Variants in CDYL observed in about 807,000 individuals in gnomAD.
CDYL encodes chromodomain Y like.
Under a neutral mutation model 47.3 loss-of-function variants are expected in CDYL, and 8 were observed. That is an observed-to-expected ratio of 0.17 (90% confidence interval 0.10 to 0.31). The LOEUF is 0.31. CDYL is among the 10% of genes least tolerant of loss of function. The probability of loss-of-function intolerance (pLI) is 1.00; values close to 1 mark genes in which losing one functional copy is unlikely to be tolerated. For missense variants in CDYL, 471 were observed against 701.4 expected, an observed-to-expected ratio of 0.67 and a Z score of 3.71; for synonymous variants, 266 against 265.0, an observed-to-expected ratio of 1.00 and a Z score of -0.04.
At chr6:4,929,113 T>A (rs1757959685) in intron 2 of CDYL, among the ~76,000 whole-genome samples, 1 of 152,220 alleles carries the variant, frequency 6.6e-6, no homozygotes, top group African/African-American at 2.4e-5. Context: ...TAACATTCCT[T>A]ACAGTGCAGG....
At chr6:4,845,334 C>G (rs977259982) in intron 1 of CDYL, among the ~76,000 whole-genome samples, 1 of 152,120 alleles carries the variant, frequency 6.6e-6, no homozygotes, top group Admixed American at 6.5e-5. Context: ...TTTTGCGATG[C>G]CTGGATTGGT....
intron 1 of CDYL, among the ~76,000 whole-genome samples, chr6:4,829,246 T>C (rs1760066574): frequency 6.6e-6 from 1 of 152,170 alleles, no homozygotes; most frequent in South Asian, 2.1e-4. Context: ...TTTTTGTTGT[T>C]GTTGTTGAAG....
intron 1 of CDYL, among the ~76,000 whole-genome samples, chr6:4,847,071 A>T (rs1760681905): frequency 6.6e-6 from 1 of 152,206 alleles, no homozygotes; most frequent in African/African-American, 2.4e-5. Context: ...AGTTACAGTC[A>T]TGTCTATCTG....
intron 3 of CDYL, among the ~76,000 whole-genome samples, chr6:4,738,059 A>G (rs905372490): frequency 3.3e-5 from 5 of 152,236 alleles, no homozygotes; most frequent in African/African-American, 7.2e-5. Flanking sequence ...TGAGTAAATG[A>G]TACATGCAGT....
At chr6:4,917,275 T>C (rs1757584520) in intron 2 of CDYL, among the ~76,000 whole-genome samples, 1 of 152,216 alleles carries the variant, frequency 6.6e-6, no homozygotes, top group African/African-American at 2.4e-5. Context: ...TGTTTTTGTC[T>C]TAGAATCTTC....
intron 3 of CDYL, among the ~76,000 whole-genome samples, 183 bp from the exon 4 acceptor site, chr6:4,937,382 G>A (rs547155779): frequency 2.0e-5 from 3 of 152,262 alleles, no homozygotes; most frequent in Admixed American, 6.5e-5. Flanking sequence ...TGTAGTCCCA[G>A]CTACTTAGGA....
chr6:4,742,885 G>T (rs947432845), intron 3 of CDYL, among the ~76,000 whole-genome samples: 6 of 152,208 alleles, frequency 3.9e-5, no homozygotes, highest in Non-Finnish European at 5.9e-5. Context: ...TGCAGGTGCA[G>T]GTTCCCAGGA....
chr6:4,777,746 T>C (rs1418890165), intron 1 of CDYL, among the ~76,000 whole-genome samples: 4 of 152,236 alleles, frequency 2.6e-5, no homozygotes, highest in Non-Finnish European at 5.9e-5. Context: ...AGTAGAGCCC[T>C]GTGGCCCCAG....
intron 2 of CDYL, chr6:4,724,714 C>T (rs896002789): frequency 2.6e-5 from 4 of 152,256 alleles, no homozygotes; most frequent in Admixed American, 6.6e-5. Context: ...CTTCGTTCCT[C>T]TCGTTGGGTT....
chr6:4,758,137 C>T (rs9504230), intron 3 of CDYL, among the ~76,000 whole-genome samples: 2,370 of 150,800 alleles, frequency 0.016, 58 homozygotes, highest in African/African-American at 0.056. Context: ...GTCAGGAGTT[C>T]GAGACCAGCC....
chr6:4,793,320 A>G (rs1022441632), intron 1 of CDYL, among the ~76,000 whole-genome samples: 27 of 152,160 alleles, frequency 1.8e-4, no homozygotes, highest in Non-Finnish European at 3.4e-4. Flanking sequence ...TGGTGGCAAC[A>G]GTCTAGTGAG....
At chr6:4,935,139 G>T (rs9504291) in intron 2 of CDYL, among the ~76,000 whole-genome samples, 16,036 of 152,170 alleles carry the variant, frequency 0.11, 1,149 homozygotes, top group African/African-American at 0.21. Context: ...CTAATAATAA[G>T]ATGTTTTCTT....
At chr6:4,735,970 G>A (rs1263598279) in intron 3 of CDYL, among the ~76,000 whole-genome samples, 1 of 152,118 alleles carries the variant, frequency 6.6e-6, no homozygotes, top group African/African-American at 2.4e-5. Flanking sequence ...GCTCAAGTAT[G>A]CAAGTTCTGT....
intron 1 of CDYL, among the ~76,000 whole-genome samples, chr6:4,831,015 A>T (rs534041576): frequency 0.031 from 4,728 of 151,940 alleles, 189 homozygotes; most frequent in African/African-American, 0.093. Context: ...GTTGGACATT[A>T]GGGTTGGTTC....
At chr6:4,830,406 G>A (rs1246588947) in intron 1 of CDYL, among the ~76,000 whole-genome samples, 3 of 151,966 alleles carry the variant, frequency 2.0e-5, no homozygotes, top group Non-Finnish European at 4.4e-5. Flanking sequence ...TCCTTCCCCA[G>A]CCCCCTGCTA....
chr6:4,781,407 T>G (rs541908657), intron 1 of CDYL, among the ~76,000 whole-genome samples: 1 of 152,296 alleles, frequency 6.6e-6, no homozygotes, highest in African/African-American at 2.4e-5. Context: ...GGTGTAGCTG[T>G]CTGAAAAGAT....
intron 1 of CDYL, among the ~76,000 whole-genome samples, chr6:4,879,878 A>G (rs1015963682): frequency 2.0e-5 from 3 of 151,748 alleles, no homozygotes; most frequent in African/African-American, 4.9e-5. Context: ...TTAATAGACT[A>G]TTTTTTTAAA....
intron 1 of CDYL, among the ~76,000 whole-genome samples, chr6:4,812,992 C>T (rs1443462432): frequency 6.6e-6 from 1 of 152,092 alleles, no homozygotes; most frequent in Non-Finnish European, 1.5e-5. Flanking sequence ...ATAGGATTTT[C>T]AAAAAGACTG....
Position 4,909,606 on chromosome 6 carries a change from G to A in CDYL, c.691+17227G>A, listed in dbSNP as rs190450131. 4.9e-3 allele frequency among the ~76,000 whole-genome samples: 740 copies of A among 152,134 alleles called. 2 individuals carry two copies. Among genetic ancestry groups the A allele is most frequent in the Admixed American group, 9.6e-3 (146 of 15,286 alleles). On this transcript the variant is annotated intron_variant, in intron 2 of 6. Coordinates refer to ENST00000397588, the MANE Select transcript of CDYL (RefSeq NM_004824.4). ...TGTTTTTGAGACGGAGTCTCCCTCT[G>A]TTGCCCAAGCTGGAGTGCAGTAGCA...
Sources: allele counts gnomAD v4.1 joint callset (sites outside exome capture counted in the v4.1 genomes callset), GRCh38; gene constraint gnomAD v4.1.1; transcripts MANE v1.5; gene names NCBI Gene and HGNC (gene_info 2026-07-23, HGNC 2026-07-21).